Variants in RGS8 observed in about 807,000 individuals in gnomAD.
The protein encoded by RGS8 is regulator of G-protein signaling 8.
A neutral mutation model predicts 21.7 loss-of-function variants in RGS8; 8 were observed. The ratio of observed to expected loss-of-function variants is 0.37; its 90% CI spans 0.22 to 0.66. The LOEUF (loss-of-function observed/expected upper bound fraction) is 0.66, where lower values mean the gene tolerates loss of function less well. RGS8 is among the 30% of genes least tolerant of loss of function. RGS8 has a pLI of 0.59. For missense variants in RGS8, 157 were observed against 217.9 expected (o/e 0.72, Z 1.76); for synonymous variants, 80 against 83.6 (o/e 0.96, Z 0.24).
At chr1:182,658,258 T>C (rs144124306) in intron 5 of RGS8, 1 of 152,340 alleles carries the variant, frequency 6.6e-6, no homozygotes, top group African/African-American at 2.4e-5. Context: ...ACTGGGTCAC[T>C]ATGAATGAGC....
At chr1:182,712,446 G>T in the RGS8 span, among the ~76,000 whole-genome samples, 1 of 152,154 alleles carries the variant, frequency 6.6e-6, no homozygotes, top group Non-Finnish European at 1.5e-5. Flanking sequence ...TATCTTTTTA[G>T]TCTGTTTCTA....
the RGS8 span, among the ~76,000 whole-genome samples, chr1:182,736,109 C>T: frequency 1.2e-4 from 18 of 152,210 alleles, no homozygotes; most frequent in Non-Finnish European, 1.5e-4. Flanking sequence ...TCTATATCAT[C>T]ACCAGGCAGT....
upstream of RGS8, among the ~76,000 whole-genome samples, chr1:182,685,107 A>T (rs79993655): frequency 3.4e-5 from 5 of 145,804 alleles, no homozygotes; most frequent in East Asian, 1.0e-3. Flanking sequence ...AAAAAAAAAA[A>T]TTAGACATGA....
At chr1:182,669,900 G>T in intron 2 of RGS8, 148 bp from the exon 4 acceptor site, 2 of 838,180 alleles carry the variant, frequency 2.4e-6, no homozygotes, top group Non-Finnish European at 3.4e-6. Context: ...TAGCAGGGGC[G>T]ACAAACCAAG....
At chr1:182,698,039 G>A in the RGS8 span, among the ~76,000 whole-genome samples, 3 of 152,202 alleles carry the variant, frequency 2.0e-5, no homozygotes, top group African/African-American at 4.8e-5. Flanking sequence ...ACAAACAGGC[G>A]ATTGCTGTCC....
chr1:182,690,776 C>T, the RGS8 span, among the ~76,000 whole-genome samples: 1 of 152,194 alleles, frequency 6.6e-6, no homozygotes, highest in African/African-American at 2.4e-5. Context: ...TCACAGCTCT[C>T]TCTATCCATG....
At chr1:182,723,312 C>T in the RGS8 span, among the ~76,000 whole-genome samples, 1 of 152,164 alleles carries the variant, frequency 6.6e-6, no homozygotes, top group African/African-American at 2.4e-5. Context: ...GCAGTCATCT[C>T]AAGGCTCAAC....
chr1:182,648,400 C>T (rs1662808251), intron 5 of RGS8, 97 bp from the exon 7 acceptor site: 1 of 1,301,552 alleles, frequency 7.7e-7, no homozygotes, highest in Non-Finnish European at 1.1e-6. Flanking sequence ...GAGGGTGCCC[C>T]TAATTGTCCA....
At chr1:182,735,637 T>A in the RGS8 span, among the ~76,000 whole-genome samples, 4 of 152,244 alleles carry the variant, frequency 2.6e-5, no homozygotes, top group African/African-American at 4.8e-5. Flanking sequence ...GGGCTTCACC[T>A]TCATTTCATT....
intron 3 of RGS8, 34 bp from the exon 5 acceptor site, chr1:182,667,007 A>T: frequency 6.5e-7 from 1 of 1,544,412 alleles, no homozygotes; most frequent in Non-Finnish European, 9.0e-7. Context: ...GGACGGGGAA[A>T]CTCTCATGAT....
chr1:182,682,903 G>A (rs563465429), intron 1 of RGS8, among the ~76,000 whole-genome samples: 1 of 152,294 alleles, frequency 6.6e-6, no homozygotes, highest in East Asian at 1.9e-4. Context: ...TGTGACTAAG[G>A]AACCATGTTC....
chr1:182,701,429 G>A, the RGS8 span, among the ~76,000 whole-genome samples: 2 of 152,218 alleles, frequency 1.3e-5, no homozygotes, highest in Non-Finnish European at 2.9e-5. Context: ...CCAAGGAAAG[G>A]CAGGGTGGAG....
chr1:182,720,932 T>C, the RGS8 span, among the ~76,000 whole-genome samples: 16 of 135,070 alleles, frequency 1.2e-4, no homozygotes, highest in African/African-American at 4.1e-4. Flanking sequence ...TATATACATA[T>C]ATACATATAT....
At chr1:182,734,102 G>A in the RGS8 span, among the ~76,000 whole-genome samples, 1 of 151,824 alleles carries the variant, frequency 6.6e-6, no homozygotes, top group Non-Finnish European at 1.5e-5. Flanking sequence ...TGTATTTTTA[G>A]TAGAGACAGG....
the RGS8 span, among the ~76,000 whole-genome samples, chr1:182,694,611 A>G: frequency 6.6e-6 from 1 of 152,220 alleles, no homozygotes; most frequent in South Asian, 2.1e-4. Flanking sequence ...GCTCGTGACC[A>G]GCCTGGCCAA....
the RGS8 span, among the ~76,000 whole-genome samples, chr1:182,724,863 T>C: frequency 6.6e-6 from 1 of 152,154 alleles, no homozygotes; most frequent in Non-Finnish European, 1.5e-5. Context: ...CGGCCTAGGC[T>C]AAACTTAATT....
intron 3 of RGS8, among the ~76,000 whole-genome samples, chr1:182,668,171 T>C (rs1389318609): frequency 1.3e-5 from 2 of 152,186 alleles, no homozygotes; most frequent in African/African-American, 4.8e-5. Flanking sequence ...CCAAAAATAT[T>C]TATTCTCTAG....
chr1:182,733,539 G>T, the RGS8 span, among the ~76,000 whole-genome samples: 5 of 152,190 alleles, frequency 3.3e-5, no homozygotes, highest in South Asian at 6.2e-4. Flanking sequence ...CTTAGGCCAG[G>T]ATAGGGCTGG....
At chr1:182,737,494 A>G in the RGS8 span, among the ~76,000 whole-genome samples, 1 of 152,056 alleles carries the variant, frequency 6.6e-6, no homozygotes, top group East Asian at 1.9e-4. Flanking sequence ...GGCTGTTCTC[A>G]TGATAGCAAA....
Sources: gnomAD v4.1 joint callset for allele counts (sites outside exome capture counted in the v4.1 genomes callset) on GRCh38, gnomAD v4.1.1 for gene constraint, MANE v1.5 for transcripts, NCBI Gene and HGNC (gene_info 2026-07-23, HGNC 2026-07-21) for gene names.